LNPK: variants seen among roughly 807,000 people sequenced by gnomAD.
The protein encoded by LNPK is lunapark, ER junction formation factor.
In LNPK, 29 loss-of-function variants were observed where a neutral mutation model predicts 55.2. The observed-to-expected ratio is 0.53, with a 90% CI of 0.39 to 0.72. The LOEUF (loss-of-function observed/expected upper bound fraction) is 0.72, where lower values mean the gene tolerates loss of function less well. LNPK is among the 30% of genes least tolerant of loss of function. LNPK has a pLI of 0.00. For synonymous variants in LNPK, 162 were observed against 168.2 expected (o/e 0.96, Z 0.29); for missense variants, 467 against 494.8 (o/e 0.94, Z 0.53).
In LNPK at chr2:175,995,595, T is replaced by C. The variant is rs1483269110; in HGVS notation, c.-11A>G. The C allele has an allele frequency of 6.2e-7, 1 of 1,606,998 alleles. No homozygotes were observed. Among genetic ancestry groups the C allele is most frequent in the Middle Eastern group, 1.7e-4 (1 of 6,048 alleles). ...AAATAATCCACCCATCTTTTATTTG[T>C]AGAAACTGGGCACAATGATAAATAT... On this transcript the variant is annotated 5_prime_UTR_variant, in exon 2 of 13. Coordinates refer to ENST00000272748, the MANE Select transcript of LNPK (RefSeq NM_030650.3).
At chr2:175,992,880 T>C (rs1014455600) in intron 3 of LNPK, among the ~76,000 whole-genome samples, 4 of 152,132 alleles carry the variant, frequency 2.6e-5, no homozygotes, top group Non-Finnish European at 5.9e-5. Flanking sequence ...GCTGTGAAAA[T>C]TTTGTAGACT....
chr2:175,950,616 A>T (rs1685349689), intron 8 of LNPK, among the ~76,000 whole-genome samples: 1 of 152,170 alleles, frequency 6.6e-6, no homozygotes, highest in Admixed American at 6.6e-5. Context: ...AAAACAGCAT[A>T]GCTGTGCAAA....
chr2:175,944,600 G>C (rs11687997), intron 9 of LNPK, among the ~76,000 whole-genome samples: 1,965 of 152,122 alleles, frequency 0.013, 34 homozygotes, highest in South Asian at 0.064. Flanking sequence ...ATGATAAGGT[G>C]GGCAGCAATG....
intron 12 of LNPK, among the ~76,000 whole-genome samples, chr2:175,936,888 CT>C (rs1171429520): frequency 6.6e-6 from 1 of 152,104 alleles, no homozygotes; most frequent in Non-Finnish European, 1.5e-5. Flanking sequence ...GCAAGGATAA[CT>C]TTATAATTCC....
chr2:175,940,961 A>G (rs1202685633), intron 9 of LNPK: 2 of 454,432 alleles, frequency 4.4e-6, no homozygotes, highest in Non-Finnish European at 8.8e-6. Context: ...ACCATACAAA[A>G]TGACAACCAG....
intron 8 of LNPK, among the ~76,000 whole-genome samples, chr2:175,950,858 C>A (rs185699773): frequency 2.0e-5 from 3 of 152,230 alleles, no homozygotes; most frequent in Non-Finnish European, 2.9e-5. Flanking sequence ...TAGTGCATAT[C>A]TAAAGGTTCC....
At chr2:175,954,761 A>G (rs1454290241) in intron 8 of LNPK, among the ~76,000 whole-genome samples, 1 of 152,238 alleles carries the variant, frequency 6.6e-6, no homozygotes, top group Non-Finnish European at 1.5e-5. Context: ...TAAACAAAAT[A>G]CAGCAATGCC....
chr2:175,987,365 C>T (rs1426275252), intron 4 of LNPK, among the ~76,000 whole-genome samples: 3 of 152,168 alleles, frequency 2.0e-5, no homozygotes, highest in Non-Finnish European at 4.4e-5. Flanking sequence ...GAGTTCATGT[C>T]CTTTGTATGG....
At chr2:175,965,284 AT>A (rs1398551620) in intron 6 of LNPK, among the ~76,000 whole-genome samples, 6 of 152,218 alleles carry the variant, frequency 3.9e-5, no homozygotes, top group Non-Finnish European at 8.8e-5. Flanking sequence ...GTAACGTTTT[AT>A]TTACCATGCA....
chr2:175,961,583 T>C (rs1382264711), intron 8 of LNPK, among the ~76,000 whole-genome samples: 2 of 152,078 alleles, frequency 1.3e-5, no homozygotes, highest in African/African-American at 2.4e-5. Flanking sequence ...ATGACAAACC[T>C]ACAGCAAATA....
chr2:175,963,693 TAAAATA>T (rs1186021139), intron 8 of LNPK, among the ~76,000 whole-genome samples: 1 of 151,598 alleles, frequency 6.6e-6, no homozygotes. Flanking sequence ...CCCTAAAACT[TAAAATA>T]TAATAAATAA....
At chr2:175,953,645 C>G (rs1685532588) in intron 8 of LNPK, among the ~76,000 whole-genome samples, 1 of 151,750 alleles carries the variant, frequency 6.6e-6, no homozygotes. Context: ...CTTCTTTTTC[C>G]CCAACGCTAT....
At chr2:175,977,271 A>G (rs1299240101) in intron 5 of LNPK, among the ~76,000 whole-genome samples, 2 of 152,242 alleles carry the variant, frequency 1.3e-5, no homozygotes, top group East Asian at 3.8e-4. Context: ...AATAGCCAGG[A>G]GCCACATGGG....
chr2:175,961,877 G>A (rs111377757), intron 8 of LNPK, among the ~76,000 whole-genome samples: 24,273 of 152,112 alleles, frequency 0.16, 2,117 homozygotes, highest in Non-Finnish European at 0.2. Flanking sequence ...AAATCAATGT[G>A]CAAAAATCAC....
At chr2:175,932,666 G>T (rs1243975707) in intron 12 of LNPK, among the ~76,000 whole-genome samples, 1 of 152,108 alleles carries the variant, frequency 6.6e-6, no homozygotes, top group African/African-American at 2.4e-5. Context: ...CATCAAACAA[G>T]ATCTAAATAA....
chr2:175,963,595 C>T (rs780378362), intron 8 of LNPK, among the ~76,000 whole-genome samples: 1 of 151,896 alleles, frequency 6.6e-6, no homozygotes, highest in Non-Finnish European at 1.5e-5. Flanking sequence ...GGAGATATAC[C>T]TAATGCTAGA....
intron 4 of LNPK, 48 bp from the exon 5 acceptor site, chr2:175,979,916 C>A: frequency 6.8e-7 from 1 of 1,479,206 alleles, no homozygotes; most frequent in Non-Finnish European, 9.1e-7. Flanking sequence ...TTAGAAAAAG[C>A]GAATTAGAAG....
At chr2:175,999,295 T>C (rs1413500122) in intron 1 of LNPK, among the ~76,000 whole-genome samples, 1 of 152,198 alleles carries the variant, frequency 6.6e-6, no homozygotes, top group African/African-American at 2.4e-5. Flanking sequence ...CACCCAAACA[T>C]ATTAACTCCA....
chr2:175,950,726 T>C (rs1416684264), intron 8 of LNPK, among the ~76,000 whole-genome samples: 4 of 152,098 alleles, frequency 2.6e-5, no homozygotes, highest in Non-Finnish European at 5.9e-5. Flanking sequence ...TCAGTTCAGC[T>C]TTCTCATAAT....
Sources: gnomAD v4.1 joint callset for allele counts (sites outside exome capture counted in the v4.1 genomes callset) on GRCh38, gnomAD v4.1.1 for gene constraint, MANE v1.5 for transcripts, NCBI Gene and HGNC (gene_info 2026-07-23, HGNC 2026-07-21) for gene names.